Variants in NETO1 observed in about 807,000 individuals in gnomAD.
NETO1 encodes neuropilin and tolloid-like protein 1.
Under a neutral mutation model 61.3 loss-of-function variants are expected in NETO1, and 26 were observed. The ratio of observed to expected loss-of-function variants is 0.42; its 90% CI spans 0.31 to 0.59. NETO1 has a LOEUF of 0.59. Among genes scored for constraint, NETO1 ranks in the 20% least tolerant of loss-of-function variants. The pLI is 0.12. For synonymous variants in NETO1, 225 were observed against 225.8 expected, an observed-to-expected ratio of 1.00 and a Z score of 0.03; for missense variants, 531 against 662.8, an observed-to-expected ratio of 0.80 and a Z score of 2.18.
At chr18:72,847,307 G>C (rs2074118225) in intron 4 of NETO1, among the ~76,000 whole-genome samples, 1 of 152,166 alleles carries the variant, frequency 6.6e-6, no homozygotes, top group South Asian at 2.1e-4. Flanking sequence ...GTGGAAGTGA[G>C]GTGTCTGAAG....
intron 1 of NETO1, among the ~76,000 whole-genome samples, chr18:72,866,368 G>A (rs1194031587): frequency 2.0e-5 from 3 of 152,026 alleles, no homozygotes; most frequent in Non-Finnish European, 4.4e-5. Context: ...GCTCTAGCCA[G>A]TTCATTTGCA....
intron 4 of NETO1, among the ~76,000 whole-genome samples, chr18:72,833,283 G>A (rs1044678696): frequency 2.6e-5 from 4 of 152,086 alleles, no homozygotes; most frequent in Non-Finnish European, 5.9e-5. Flanking sequence ...CACTTCACCT[G>A]GTTAAATCCT....
chr18:72,754,829 G>C (rs1024367029), intron 8 of NETO1, among the ~76,000 whole-genome samples: 1 of 152,112 alleles, frequency 6.6e-6, no homozygotes, highest in African/African-American at 2.4e-5. Flanking sequence ...TAAGTTTATA[G>C]GCTTATGCCT....
At chr18:72,758,654 TG>T (rs2070868534) in intron 7 of NETO1, among the ~76,000 whole-genome samples, 1 of 151,968 alleles carries the variant, frequency 6.6e-6, no homozygotes, top group South Asian at 2.1e-4. Context: ...CCGGCCAACA[TG>T]GTGAAGCCCG....
chr18:72,776,388 C>G (rs1185675900), intron 7 of NETO1, among the ~76,000 whole-genome samples: 1 of 152,220 alleles, frequency 6.6e-6, no homozygotes, highest in African/African-American at 2.4e-5. Context: ...TACTACCACA[C>G]TGGGGATCAA....
At position 72,867,274 on chromosome 18, in the gene NETO1, G is replaced by A. The variant is rs764219808; in HGVS notation, c.18C>T (p.Ser6=). Residue 6 remains serine (S), a synonymous_variant, in exon 1 of 11, where the codon AGC becomes AGT. Transcript: ENST00000327305. MIHGR[S]VLHIVASLII... ...GGGGAGGGTACTCACTGTGAAGCAC[G>A]CTGCGCCCATGGATCATGTCTGTGC... 3 of 1,568,556 alleles carry A rather than the reference G, an allele frequency of 1.9e-6. No homozygotes were observed. Among genetic ancestry groups the A allele is most frequent in the South Asian group, 1.2e-5 (1 of 84,010 alleles).
intron 1 of NETO1, chr18:72,865,789 A>G (rs2074716190): frequency 8.3e-7 from 1 of 1,205,430 alleles, no homozygotes; most frequent in African/African-American, 1.5e-5. Flanking sequence ...GTGGGCATTA[A>G]GCACCATTAT....
chr18:72,767,508 A>C (rs1253806574), intron 7 of NETO1, among the ~76,000 whole-genome samples: 1 of 152,206 alleles, frequency 6.6e-6, no homozygotes, highest in Non-Finnish European at 1.5e-5. Context: ...AAAATTACTT[A>C]AGATACTTGT....
intron 7 of NETO1, among the ~76,000 whole-genome samples, chr18:72,781,510 C>T (rs1358228190): frequency 1.3e-5 from 2 of 152,100 alleles, no homozygotes; most frequent in African/African-American, 2.4e-5. Context: ...TACATAACAG[C>T]ATACTGTTTT....
chr18:72,835,424 G>T, intron 4 of NETO1: 1 of 837,184 alleles, frequency 1.2e-6, no homozygotes. Context: ...TACAGGAGGA[G>T]CAAATCCAAA....
At position 72,859,010 on chromosome 18, in the gene NETO1, C is replaced by T. The variant is rs929154185; in HGVS notation, c.285G>A (p.Glu95=). 2.5e-6 allele frequency: 4 copies of T among 1,613,834 alleles called. No homozygotes were observed. The highest frequency in any genetic ancestry group is 1.3e-5 in the African/African-American group (1 of 75,020). Residue 95 remains glutamate, a synonymous_variant, in exon 4 of 11, where the codon GAG becomes GAA. Transcript: ENST00000327305. ...GAACTTCAATATGATCAAATTTGCA[C>T]TCCCAAGACGGTTCAATAGAGTACT... ...DEKYSIEPSW[E]CKFDHIEVRD... is the part of the protein sequence containing the mutation.
chr18:72,783,156 A>G (rs2071799722), intron 7 of NETO1, among the ~76,000 whole-genome samples: 1 of 152,168 alleles, frequency 6.6e-6, no homozygotes, highest in Non-Finnish European at 1.5e-5. Context: ...TCTGGATATC[A>G]CCCATTGTGC....
Position 72,749,032 on chromosome 18 carries a change from A to T in NETO1, c.1598T>A (p.Val533Asp). Residue 533 changes from valine to aspartate, a missense_variant, in exon 10 of 11, where the codon GTC becomes GAC. Physicochemically the swap from Val to Asp is radical, Grantham distance 152. Coordinates refer to ENST00000327305, the MANE Select transcript of NETO1 (RefSeq NM_138966.5). The part of the protein sequence containing the change: ...KHESEYNTTR[V>D] Reference sequence around the variant, plus strand: ...TGCTTACCTTGAATTTTCTTTCTAGACCCTAGTTGTGTTGTATTCAGATTC... The same window carrying T: ...TGCTTACCTTGAATTTTCTTTCTAGTCCCTAGTTGTGTTGTATTCAGATTC... 1 of 1,609,672 alleles carries T rather than the reference A, an allele frequency of 6.2e-7. No homozygotes were observed. The highest frequency in any genetic ancestry group is 2.2e-5 in the East Asian group (1 of 44,712).
At position 72,777,439 on chromosome 18, in the gene NETO1, C is replaced by CA. The variant is rs1301350747; in HGVS notation, c.868+6238dup. On this transcript the variant is annotated intron_variant, in intron 7 of 10. Coordinates refer to ENST00000327305, the MANE Select transcript of NETO1 (RefSeq NM_138966.5). Reference sequence around the variant, plus strand: ...CATCTGAAAAAAAAAAACAAAACAACAACAAAAAAAAAACAAAAAAGGCCG... The same window carrying CA: ...CATCTGAAAAAAAAAAACAAAACAACAAACAAAAAAAAAACAAAAAAGGCCG... Among the ~76,000 whole-genome samples the CA allele has an allele frequency of 4.3e-3, 331 of 76,418 alleles. 1 individual carries two copies. The highest frequency in any genetic ancestry group is 0.035 in the Middle Eastern group (3 of 86). 50.1% of individuals were successfully genotyped at this position (76,418 alleles called of 152,430 possible).
At chr18:72,856,403 A>C (rs1193844325) in intron 4 of NETO1, among the ~76,000 whole-genome samples, 1 of 152,182 alleles carries the variant, frequency 6.6e-6, no homozygotes, top group Non-Finnish European at 1.5e-5. Context: ...AGTCTGAGAC[A>C]CTTGTTTTCC....
intron 4 of NETO1, among the ~76,000 whole-genome samples, chr18:72,802,654 T>C (rs7236222): frequency 0.38 from 57,754 of 152,040 alleles, 11,443 homozygotes; most frequent in Middle Eastern, 0.53. Flanking sequence ...TACTGGGACA[T>C]CTGGATTGAT....
downstream of NETO1, chr18:72,742,850 A>C (rs909048660): frequency 6.6e-6 from 1 of 152,202 alleles, no homozygotes; most frequent in Non-Finnish European, 1.5e-5. Context: ...TACATGTAAA[A>C]CACTCAAAAT....
chr18:72,752,358 G>C (rs1169812372), intron 8 of NETO1, among the ~76,000 whole-genome samples: 2 of 152,180 alleles, frequency 1.3e-5, no homozygotes, highest in Non-Finnish European at 2.9e-5. Context: ...AGAGGTGATA[G>C]CTAAATAGAG....
intron 7 of NETO1, among the ~76,000 whole-genome samples, chr18:72,760,275 C>G (rs2070927634): frequency 1.3e-5 from 2 of 152,182 alleles, no homozygotes; most frequent in Non-Finnish European, 2.9e-5. Flanking sequence ...GTAGACACTA[C>G]AACACTTCAA....
Sources: allele counts gnomAD v4.1 joint callset (sites outside exome capture counted in the v4.1 genomes callset), GRCh38; gene constraint gnomAD v4.1.1; transcripts MANE v1.5; gene names NCBI Gene and HGNC (gene_info 2026-07-23, HGNC 2026-07-21).